The following ENGASE variants were observed in gnomAD, a reference collection of about 807,000 sequenced individuals.
ENGASE encodes the protein cytosolic endo-beta-N-acetylglucosaminidase.
A neutral mutation model predicts 78.5 loss-of-function variants in ENGASE; 69 were observed. That is an observed-to-expected ratio of 0.88 (90% CI 0.72 to 1.07). The LOEUF is 1.07. Among genes scored for constraint, ENGASE ranks in the 50% least tolerant of loss-of-function variants. The pLI is 0.00. For synonymous variants in ENGASE, 408 were observed against 408.9 expected (o/e 1.00, Z 0.03); for missense variants, 943 against 988.4 (o/e 0.95, Z 0.62).
At chr17:79,082,727 A>T (rs555415618) in intron 7 of ENGASE, 2 of 1,404,566 alleles carry the variant, frequency 1.4e-6, no homozygotes, top group South Asian at 2.4e-5. Context: ...ATCGAATGAG[A>T]GGTGTGCCAG....
chr17:79,082,930 C>T (rs2073187229), intron 7 of ENGASE, 90 bp from the exon 8 acceptor site: 2 of 1,579,426 alleles, frequency 1.3e-6, no homozygotes, highest in Non-Finnish European at 1.7e-6. Context: ...TTCTGAGCTG[C>T]CCTGAGAGCC....
In ENGASE at chr17:79,088,026, C is replaced by T. The variant is rs1358610315; in HGVS notation, c.*1677C>T. 2 of 152,324 alleles carry T rather than the reference C, an allele frequency of 1.3e-5. No individual in the cohort carries two copies. Among genetic ancestry groups the T allele is most frequent in the Non-Finnish European group, 2.9e-5 (2 of 68,132 alleles). 9.4% of individuals were successfully genotyped at this position (152,324 alleles called of 1,614,324 possible). On this transcript the variant is annotated 3_prime_UTR_variant, in exon 14 of 14. Transcript: ENST00000579016. Reference sequence around the variant, plus strand: ...GCCAAGGATATGGGGCAGGAGGCTCCCTCTGCTGACCCCCTGCAGCCTGGA... The same window carrying T: ...GCCAAGGATATGGGGCAGGAGGCTCTCTCTGCTGACCCCCTGCAGCCTGGA...
chr17:79,084,745 G>T, intron 11 of ENGASE, 59 bp downstream of exon 11: 1 of 1,576,246 alleles, frequency 6.3e-7, no homozygotes, highest in South Asian at 1.1e-5. Context: ...GGGAAGAGAA[G>T]TGTGGAGAGG....
intron 1 of ENGASE, among the ~76,000 whole-genome samples, 178 bp downstream of exon 1, chr17:79,075,268 T>G (rs1176286208): frequency 1.3e-5 from 2 of 152,124 alleles, no homozygotes; most frequent in East Asian, 3.9e-4. Context: ...CGCCCCGCCG[T>G]CCTCGCGCCA....
intron 4 of ENGASE, 118 bp downstream of exon 4, chr17:79,079,755 G>A (rs2073076901): frequency 1.5e-6 from 2 of 1,367,320 alleles, no homozygotes; most frequent in Non-Finnish European, 9.8e-7. Flanking sequence ...CCCCTCGCTG[G>A]GGGCCGCCTT....
rs796093113 is a variant in ENGASE, at chr17:79,087,242, G to A, written c.*893G>A. 1.6e-4 allele frequency: 58 copies of A among 351,600 alleles called. No homozygotes were observed. Among genetic ancestry groups the A allele is most frequent in the African/African-American group, 1.1e-3 (53 of 46,796 alleles). The allele number at this position is 351,600 out of a possible 1,614,324, so 21.8% of individuals were successfully genotyped here. On this transcript the variant is annotated 3_prime_UTR_variant, in exon 14 of 14. Coordinates refer to ENST00000579016, the MANE Select transcript of ENGASE (RefSeq NM_001042573.3). Reference sequence around the variant, plus strand: ...GCGCCAGCCCAGCCCCAGCCTGAGTGCAGGAGCTGCAGGACCCGCGGGGGC... The same window carrying A: ...GCGCCAGCCCAGCCCCAGCCTGAGTACAGGAGCTGCAGGACCCGCGGGGGC...
At chr17:79,085,117 G>A (rs556710680) in intron 11 of ENGASE, 117 bp from the exon 12 acceptor site, 3 of 803,896 alleles carry the variant, frequency 3.7e-6, no homozygotes, top group African/African-American at 1.7e-5. Flanking sequence ...TGGGACCCGC[G>A]AGCGTCTGGC....
At position 79,086,867 on chromosome 17, in the gene ENGASE, C is replaced by A; in HGVS notation, c.*518C>A. 1 of 445,756 alleles carries A rather than the reference C, an allele frequency of 2.2e-6. No homozygotes were observed. Among genetic ancestry groups the A allele is most frequent in the African/African-American group, 2.0e-5 (1 of 49,850 alleles). The allele number at this position is 445,756 out of a possible 1,614,324, so 27.6% of individuals were successfully genotyped here. The stretch of plus-strand genomic sequence containing the variant: ...GCCTGCGGGATGGCGGGAGAGGATG[C>A]CCTGGAGAACCGTCCTCCCAGTGTG... On this transcript the variant is annotated 3_prime_UTR_variant, in exon 14 of 14. Coordinates refer to ENST00000579016, the MANE Select transcript of ENGASE (RefSeq NM_001042573.3).
chr17:79,085,387 T>G, intron 12 of ENGASE, 45 bp downstream of exon 12: 1 of 1,503,422 alleles, frequency 6.7e-7, no homozygotes, highest in Non-Finnish European at 9.0e-7. Context: ...CACTCAAGTC[T>G]CTGTTGGGAA....
rs1476652137 is a variant in ENGASE at position 79,087,290 on chromosome 17, C to T, written c.*941C>T. 1 of 338,130 alleles carries T rather than the reference C, an allele frequency of 3.0e-6. No individual in the cohort carries two copies. The highest frequency in any genetic ancestry group is 5.9e-6 in the Non-Finnish European group (1 of 169,100). The allele number at this position is 338,130 out of a possible 1,614,324, so 20.9% of individuals were successfully genotyped here. A position where few individuals can be genotyped will look rare whatever the true frequency, so the allele number is the denominator to read the frequency against. ...GGCTTTTCCAGCTACTCTGTTCCTT[C>T]ACGTCCTCCCTTCTCAGCCTCGTCC... is the stretch of plus-strand genomic sequence containing the variant. On this transcript the variant is annotated 3_prime_UTR_variant, in exon 14 of 14. Coordinates refer to ENST00000579016, the MANE Select transcript of ENGASE (RefSeq NM_001042573.3).
intron 7 of ENGASE, 75 bp downstream of exon 7, chr17:79,082,138 A>C (rs779705442): frequency 1.6e-5 from 26 of 1,612,620 alleles, no homozygotes; most frequent in Non-Finnish European, 2.2e-5. Flanking sequence ...TGGACCTTCC[A>C]TTCCCGTCTG....
In ENGASE at chr17:79,086,607, C is replaced by T. The variant is rs531309337; in HGVS notation, c.*258C>T. The T allele has an allele frequency of 3.3e-4, 185 of 562,298 alleles. 1 individual carries two copies. Among genetic ancestry groups the T allele is most frequent in the Non-Finnish European group, 4.4e-5 (14 of 315,094 alleles). 34.8% of individuals were successfully genotyped at this position (562,298 alleles called of 1,614,324 possible). A position where few individuals can be genotyped will look rare whatever the true frequency, so the allele number is the denominator to read the frequency against. On this transcript the variant is annotated 3_prime_UTR_variant, in exon 14 of 14. Coordinates refer to ENST00000579016, the MANE Select transcript of ENGASE (RefSeq NM_001042573.3). ...CTTTCTGTTTCTGCCTTGTCCCTCC[C>T]CACGGTACCTGGTTCCCAGGTGAAA...
At chr17:79,080,849 T>A (rs760420677) in intron 5 of ENGASE, 76 bp from the exon 6 acceptor site, 36 of 1,509,156 alleles carry the variant, frequency 2.4e-5, no homozygotes, top group Admixed American at 1.1e-4. Context: ...TCCCCCTGTC[T>A]GTCCAGCGCT....
intron 5 of ENGASE, among the ~76,000 whole-genome samples, chr17:79,080,618 C>G (rs1360995057): frequency 6.6e-6 from 1 of 152,230 alleles, no homozygotes; most frequent in Non-Finnish European, 1.5e-5. Context: ...GTGAGCACAC[C>G]TTTCCTTTTC....
At position 79,084,613 on chromosome 17, in the gene ENGASE, C is replaced by T. The variant is rs373849792; in HGVS notation, c.1518C>T (p.Asp506=). Residue 506 remains aspartate (D), a synonymous_variant, in exon 11 of 14, where the codon GAC becomes GAT. Transcript: ENST00000579016. ...TGTATAAGCTTGAGGGGCCCACGGA[C>T]GTCACAGTTGCTTTGGAGCTGACCA... ...SMVYKLEGPT[D]VTVALELTTG... 629 of 1,612,284 alleles carry T rather than the reference C, an allele frequency of 3.9e-4. No homozygotes were observed. The highest frequency in any genetic ancestry group is 8.2e-4 in the Middle Eastern group (5 of 6,076).
chr17:79,084,638 A>G lies in ENGASE; in HGVS notation c.1543A>G (p.Thr515Ala), dbSNP rs759454373. 8.1e-6 allele frequency: 13 copies of G among 1,613,452 alleles called. No homozygotes were observed. The highest frequency in any genetic ancestry group is 1.1e-5 in the Non-Finnish European group (13 of 1,179,828). Residue 515 changes from threonine to alanine, a missense_variant, in exon 11 of 14, where the codon ACA becomes GCA. Transcript: ENST00000579016. ...TDVTVALELT[T>A]GDAGSCHIGG... ...CGTCACAGTTGCTTTGGAGCTGACC[A>G]CAGGGGATGCCGGCAGCTGCCACAT...
intron 7 of ENGASE, 97 bp from the exon 8 acceptor site, chr17:79,082,923 T>C: frequency 6.3e-7 from 1 of 1,575,802 alleles, no homozygotes; most frequent in Non-Finnish European, 8.6e-7. Flanking sequence ...CTCCCGTTTC[T>C]GAGCTGCCCT....
Position 79,077,784 on chromosome 17 carries a change from G to GT in ENGASE, c.337dup (p.Cys113LeufsTer18). 6.2e-7 allele frequency: 1 copy of GT among 1,614,120 alleles called. No individual in the cohort carries two copies. The highest frequency in any genetic ancestry group is 8.5e-7 in the Non-Finnish European group (1 of 1,180,048). ...TTAATGTGGCCCTGGAGCCCCTGGC[G>GT]TGTCGCCAGCCCCCTCTGAGCAGCC... On this transcript the variant is annotated frameshift_variant, in exon 3 of 14. Coordinates refer to ENST00000579016, the MANE Select transcript of ENGASE (RefSeq NM_001042573.3). LOFTEE classifies it high-confidence loss of function.
chr17:79,084,430 C>A (rs1274594509), intron 10 of ENGASE, 108 bp from the exon 11 acceptor site: 3 of 1,175,584 alleles, frequency 2.6e-6, no homozygotes, highest in Non-Finnish European at 3.5e-6. Context: ...GCATTTGGCA[C>A]CCAGGCCCCC....
Sources: gnomAD v4.1 joint callset for allele counts (sites outside exome capture counted in the v4.1 genomes callset) on GRCh38, gnomAD v4.1.1 for gene constraint, MANE v1.5 for transcripts, NCBI Gene and HGNC (gene_info 2026-07-23, HGNC 2026-07-21) for gene names.